NR6A1: variants seen among roughly 807,000 people sequenced by gnomAD.
NR6A1 encodes the protein retinoic acid receptor-related testis-associated receptor.
In NR6A1, 7 loss-of-function variants were observed where a neutral mutation model predicts 59.1. The ratio of observed to expected loss-of-function variants is 0.12; its 90% confidence interval spans 0.07 to 0.22. The LOEUF (loss-of-function observed/expected upper bound fraction) is 0.22, where lower values mean the gene tolerates loss of function less well. Ranked by LOEUF, NR6A1 falls within the 10% of genes least tolerant of loss-of-function variation. NR6A1 has a pLI of 1.00. For missense variants in NR6A1, 468 were observed against 611.6 expected (o/e 0.77, Z 2.48); for synonymous variants, 243 against 236.1 (o/e 1.03, Z -0.27).
chr9:124,707,585 G>T (rs1839171172), intron 2 of NR6A1, among the ~76,000 whole-genome samples: 1 of 149,662 alleles, frequency 6.7e-6, no homozygotes, highest in African/African-American at 2.5e-5. Context: ...TTTTTGTTGT[G>T]ATACTAAACA....
At chr9:124,611,770 AGAG>A (rs1835753069) in intron 2 of NR6A1, among the ~76,000 whole-genome samples, 1 of 124,108 alleles carries the variant, frequency 8.1e-6, no homozygotes, top group African/African-American at 3.4e-5. Context: ...AGAGAGAGAG[AGAG>A]AGAGAGAGAA....
At chr9:124,678,052 A>G (rs1838016169) in intron 2 of NR6A1, among the ~76,000 whole-genome samples, 1 of 152,240 alleles carries the variant, frequency 6.6e-6, no homozygotes, top group Non-Finnish European at 1.5e-5. Context: ...AAAGCCTGTA[A>G]TGAGTATAGA....
chr9:124,664,201 A>C (rs1837533305), intron 2 of NR6A1, among the ~76,000 whole-genome samples: 1 of 152,252 alleles, frequency 6.6e-6, no homozygotes, highest in Non-Finnish European at 1.5e-5. Flanking sequence ...TTTCTTAATG[A>C]TGCCAAATAA....
chr9:124,584,265 A>C (rs1228562361), intron 2 of NR6A1, among the ~76,000 whole-genome samples: 2 of 151,330 alleles, frequency 1.3e-5, no homozygotes, highest in Non-Finnish European at 2.9e-5. Context: ...ATGCCACCAC[A>C]CCCAGCTAAT....
At chr9:124,587,917 G>T (rs777814294) in intron 2 of NR6A1, among the ~76,000 whole-genome samples, 13 of 152,136 alleles carry the variant, frequency 8.5e-5, no homozygotes, top group Non-Finnish European at 1.9e-4. Flanking sequence ...GCCTAGGTTG[G>T]AGTGCAATGG....
chr9:124,604,192 T>G (rs1316235802), intron 2 of NR6A1, among the ~76,000 whole-genome samples: 1 of 152,154 alleles, frequency 6.6e-6, no homozygotes, highest in Non-Finnish European at 1.5e-5. Context: ...AGTCAGGAAC[T>G]GCTCCCCTGA....
At chr9:124,570,392 T>C (rs1415440943) in intron 2 of NR6A1, among the ~76,000 whole-genome samples, 1 of 152,196 alleles carries the variant, frequency 6.6e-6, no homozygotes, top group Non-Finnish European at 1.5e-5. Context: ...TGGTTTACAC[T>C]AGAAGAAAAA....
At chr9:124,590,185 A>G (rs1835075883) in intron 2 of NR6A1, among the ~76,000 whole-genome samples, 1 of 151,992 alleles carries the variant, frequency 6.6e-6, no homozygotes, top group Non-Finnish European at 1.5e-5. Context: ...GGATGCTAAC[A>G]GAGAAACAGA....
intron 2 of NR6A1, among the ~76,000 whole-genome samples, chr9:124,561,733 G>A (rs1487200304): frequency 1.3e-5 from 2 of 151,980 alleles, no homozygotes; most frequent in South Asian, 2.1e-4. Flanking sequence ...CCATCATGGT[G>A]AAACCCTGTC....
intron 2 of NR6A1, among the ~76,000 whole-genome samples, chr9:124,593,794 GCTCT>G (rs199586860): frequency 6.6e-6 from 1 of 150,416 alleles, no homozygotes; most frequent in Non-Finnish European, 1.5e-5. Flanking sequence ...CTCTCTTACG[GCTCT>G]CTCTCTCTCT....
chr9:124,559,105 G>A (rs761273408), intron 2 of NR6A1, among the ~76,000 whole-genome samples: 2 of 152,134 alleles, frequency 1.3e-5, no homozygotes, highest in Non-Finnish European at 1.5e-5. Flanking sequence ...TGTGCAAGAA[G>A]TTTTTACATA....
intron 2 of NR6A1, among the ~76,000 whole-genome samples, chr9:124,695,012 G>T (rs898270198): frequency 6.6e-6 from 1 of 152,134 alleles, no homozygotes; most frequent in African/African-American, 2.4e-5. Context: ...TACTCTAGAC[G>T]AGGTGATTTT....
At chr9:124,542,379 T>C (rs1282312290) in intron 4 of NR6A1, among the ~76,000 whole-genome samples, 3 of 152,242 alleles carry the variant, frequency 2.0e-5, no homozygotes, top group Admixed American at 6.5e-5. Context: ...ACATCATCAG[T>C]GTATGTCTTA....
Position 124,595,038 on chromosome 9 carries a change from C to T in NR6A1, c.143-40468G>A, listed in dbSNP as rs181924422. Among the ~76,000 whole-genome samples, 45 of 152,338 alleles carry T rather than the reference C, an allele frequency of 3.0e-4. 1 individual carries two copies. Among genetic ancestry groups the T allele is most frequent in the Non-Finnish European group, 4.4e-5 (3 of 68,032 alleles). ...AAACATGGCAAAACTTTAATACTAA[C>T]ATTCATCCATTTTATCTGTTCCTTC... On this transcript the variant is annotated intron_variant, in intron 2 of 9. Transcript: ENST00000487099.
intron 1 of NR6A1, among the ~76,000 whole-genome samples, chr9:124,747,020 A>G (rs1015357449): frequency 7.9e-5 from 12 of 152,186 alleles, no homozygotes; most frequent in African/African-American, 2.4e-4. Context: ...TAATGACAAA[A>G]TGGCACTTGA....
At chr9:124,725,059 G>A (rs1421991091) in intron 2 of NR6A1, among the ~76,000 whole-genome samples, 23 of 152,104 alleles carry the variant, frequency 1.5e-4, no homozygotes, top group Admixed American at 3.3e-4. Flanking sequence ...GTATCAAGTC[G>A]GTCCTTGTTC....
At chr9:124,601,353 G>A (rs1353639899) in intron 2 of NR6A1, among the ~76,000 whole-genome samples, 3 of 152,144 alleles carry the variant, frequency 2.0e-5, no homozygotes, top group Admixed American at 6.5e-5. Flanking sequence ...GGGAGGCCAA[G>A]GTGGGTGGAT....
intron 2 of NR6A1, chr9:124,692,395 G>A (rs1007324400): frequency 1.0e-5 from 5 of 498,082 alleles, no homozygotes; most frequent in Non-Finnish European, 2.1e-5. Flanking sequence ...ATCCATCAGC[G>A]GTGGTCTCAC....
At chr9:124,591,493 T>A (rs561746100) in intron 2 of NR6A1, among the ~76,000 whole-genome samples, 1 of 152,240 alleles carries the variant, frequency 6.6e-6, no homozygotes, top group East Asian at 1.9e-4. Flanking sequence ...AGGGGACGAG[T>A]CCTTGCCACA....
Sources: gnomAD v4.1 joint callset for allele counts (sites outside exome capture counted in the v4.1 genomes callset) on GRCh38, gnomAD v4.1.1 for gene constraint, MANE v1.5 for transcripts, NCBI Gene and HGNC (gene_info 2026-07-23, HGNC 2026-07-21) for gene names.